The following ETV5 variants were observed in gnomAD, a reference collection of about 807,000 sequenced individuals.
The protein encoded by ETV5 is ETS translocation variant 5.
In ETV5, 10 loss-of-function variants were observed where a neutral mutation model predicts 70.0. That is an observed-to-expected ratio of 0.14 (90% confidence interval 0.09 to 0.24). The LOEUF (loss-of-function observed/expected upper bound fraction) is 0.24. Among genes scored for constraint, ETV5 ranks in the 10% least tolerant of loss-of-function variants. ETV5 has a pLI of 1.00. For synonymous variants in ETV5, 216 were observed against 242.2 expected, an observed-to-expected ratio of 0.89 and a Z score of 1.01; for missense variants, 453 against 651.2, an observed-to-expected ratio of 0.70 and a Z score of 3.31.
chr3:186,055,806 C>T (rs555393097), intron 11 of ETV5, among the ~76,000 whole-genome samples: 15 of 152,284 alleles, frequency 9.9e-5, no homozygotes, highest in Non-Finnish European at 1.8e-4. Flanking sequence ...TGTGCTAAAG[C>T]GAGCCCTAGA....
At chr3:186,103,406 A>G (rs555227627) in intron 5 of ETV5, among the ~76,000 whole-genome samples, 5 of 152,184 alleles carry the variant, frequency 3.3e-5, no homozygotes, top group African/African-American at 1.2e-4. Flanking sequence ...CATGCAATCA[A>G]TTTGAATGCA....
intron 7 of ETV5, chr3:186,079,423 T>C (rs1018525416): frequency 8.2e-6 from 2 of 245,184 alleles, no homozygotes; most frequent in African/African-American, 4.4e-5. Context: ...AATTGTCCCT[T>C]ATATGTAAGT....
chr3:186,105,278 A>G lies in ETV5; in HGVS notation c.232+27T>C. 6.3e-7 allele frequency: 1 copy of G among 1,598,580 alleles called. No individual in the cohort carries two copies. Among genetic ancestry groups the G allele is most frequent in the Non-Finnish European group, 8.5e-7 (1 of 1,172,382 alleles). On this transcript the variant is annotated intron_variant, in intron 5 of 12. Transcript: ENST00000306376. This position sits in a 1 kb window ranked among gnomAD's most constrained non-coding sequence, Gnocchi z 4.5. ...CTAAGACCAAACAATTTCAGAACAA[A>G]TGTGCCATCACCAGAAAGGTACTTA...
intron 7 of ETV5, among the ~76,000 whole-genome samples, 185 bp from the exon 8 acceptor site, chr3:186,066,257 AGT>A (rs1713440162): frequency 6.8e-6 from 1 of 147,022 alleles, no homozygotes; most frequent in Admixed American, 7.0e-5. Context: ...TGAGTCAGGA[AGT>A]GGCAAAAAAA....
At chr3:186,064,302 T>C in intron 9 of ETV5, 115 bp downstream of exon 9, 1 of 957,098 alleles carries the variant, frequency 1.0e-6, no homozygotes, top group Non-Finnish European at 1.6e-6. Flanking sequence ...AGCTTGGGTA[T>C]TAGTCAAGCA....
chr3:186,057,747 C>A lies in ETV5; in HGVS notation c.971-256G>T, dbSNP rs949879721. 6.6e-6 allele frequency among the ~76,000 whole-genome samples: 1 copy of A among 152,196 alleles called. No homozygotes were observed. The highest frequency in any genetic ancestry group is 1.5e-5 in the Non-Finnish European group (1 of 68,040). On this transcript the variant is annotated intron_variant, in intron 9 of 12. Transcript: ENST00000306376. This position sits in a 1 kb window ranked among gnomAD's most constrained non-coding sequence, Gnocchi z 4.9. ...AGACTGCAGGGAAGTGCTGAGTCAC[C>A]AGTACGTTCCTTTGCATTTTGCTTC...
chr3:186,105,612 A>G lies in ETV5; in HGVS notation c.133+13T>C, dbSNP rs1714568918. ...CAGGGAAGCCACAACATAATCAGGG[A>G]AAGCTTTACTACCTTCAGAATCGTG... On this transcript the variant is annotated intron_variant, in intron 3 of 12. Coordinates refer to ENST00000306376, the MANE Select transcript of ETV5 (RefSeq NM_004454.3). This position sits in a 1 kb window ranked among gnomAD's most constrained non-coding sequence, Gnocchi z 4.5. The G allele has an allele frequency of 1.2e-6, 2 of 1,614,036 alleles. No homozygotes were observed. Among genetic ancestry groups the G allele is most frequent in the Admixed American group, 1.7e-5 (1 of 60,014 alleles).
chr3:186,094,766 T>C (rs1161737104), intron 5 of ETV5, among the ~76,000 whole-genome samples: 1 of 152,204 alleles, frequency 6.6e-6, no homozygotes, highest in Non-Finnish European at 1.5e-5. Flanking sequence ...TCTAATTGCA[T>C]AAGAGTGTCG....
chr3:186,094,218 T>C (rs1714251399), intron 5 of ETV5, among the ~76,000 whole-genome samples: 1 of 152,210 alleles, frequency 6.6e-6, no homozygotes, highest in Admixed American at 6.5e-5. Context: ...CCAAAAGAAG[T>C]GGTCACGGAT....
At chr3:186,071,526 G>A (rs897085663) in intron 7 of ETV5, among the ~76,000 whole-genome samples, 6 of 152,206 alleles carry the variant, frequency 3.9e-5, no homozygotes, top group African/African-American at 1.2e-4. Flanking sequence ...AGGACAGCCA[G>A]GATACCTTGT....
chr3:186,077,677 C>T (rs1713829922), intron 7 of ETV5, among the ~76,000 whole-genome samples: 1 of 152,224 alleles, frequency 6.6e-6, no homozygotes, highest in South Asian at 2.1e-4. Flanking sequence ...CACTCTATCT[C>T]TGAATGTTAA....
intron 5 of ETV5, among the ~76,000 whole-genome samples, chr3:186,094,325 T>C (rs1347572942): frequency 1.3e-5 from 2 of 152,204 alleles, no homozygotes; most frequent in Non-Finnish European, 2.9e-5. Context: ...TATCTATCAC[T>C]GAATAGCTGC....
intron 5 of ETV5, among the ~76,000 whole-genome samples, chr3:186,087,337 C>T (rs1485386973): frequency 6.6e-6 from 1 of 152,178 alleles, no homozygotes; most frequent in African/African-American, 2.4e-5. Flanking sequence ...GGAGGTTACT[C>T]TCGACGGGGT....
At chr3:186,097,866 C>A (rs1003258285) in intron 5 of ETV5, among the ~76,000 whole-genome samples, 2 of 152,298 alleles carry the variant, frequency 1.3e-5, no homozygotes, top group African/African-American at 4.8e-5. Flanking sequence ...TGTTTTTCCA[C>A]GGGCTGCACA....
At chr3:186,061,005 C>T (rs1035916248) in intron 9 of ETV5, among the ~76,000 whole-genome samples, 1 of 152,196 alleles carries the variant, frequency 6.6e-6, no homozygotes, top group Admixed American at 6.5e-5. Flanking sequence ...GACAGCCCTG[C>T]CTTTCCAGGG....
intron 1 of ETV5, 113 bp downstream of exon 1, chr3:186,108,827 C>A (rs1714665673): frequency 3.8e-6 from 1 of 263,994 alleles, no homozygotes; most frequent in South Asian, 3.5e-5. Flanking sequence ...AGCTACTGCA[C>A]CCCGACTTTG....
chr3:186,056,680 CATACAGTATGTTCA>C (rs1184744355), intron 11 of ETV5, among the ~76,000 whole-genome samples: 3 of 152,170 alleles, frequency 2.0e-5, no homozygotes, highest in African/African-American at 7.2e-5. Flanking sequence ...GTCAAAATGT[CATACAGTATGTTCA>C]CGTAGACTCA....
rs149648460 is a variant in ETV5 at position 186,072,370 on chromosome 3, T to C, written c.651-6298A>G. ...CTGGGTGACAGAGTGAGACTCTATC[T>C]CAAAAAAAAAAAGAAAAAAAAGATA... is the stretch of plus-strand genomic sequence containing the variant. On this transcript the variant is annotated intron_variant, in intron 7 of 12. Transcript: ENST00000306376. 7.5e-4 allele frequency among the ~76,000 whole-genome samples: 91 copies of C among 121,452 alleles called. 1 individual carries two copies. Among genetic ancestry groups the C allele is most frequent in the African/African-American group, 3.0e-3 (87 of 29,244 alleles). The allele number at this position is 121,452 out of a possible 152,430, so 79.7% of individuals were successfully genotyped here. A position where few individuals can be genotyped will look rare whatever the true frequency, so the allele number is the denominator to read the frequency against.
At position 186,054,663 on chromosome 3, in the gene ETV5, C is replaced by A. The variant is rs931634690; in HGVS notation, c.1209+2412G>T. On this transcript the variant is annotated intron_variant, in intron 11 of 12. Transcript: ENST00000306376. This position sits in a 1 kb window ranked among gnomAD's most constrained non-coding sequence, Gnocchi z 4.4. The stretch of plus-strand genomic sequence containing the variant: ...TTACCCAGAGTGCACTACTCAGCCA[C>A]ACAGCTGCCTACAATTACGTCCCAA... 6.6e-6 allele frequency among the ~76,000 whole-genome samples: 1 copy of A among 152,198 alleles called. No homozygotes were observed. The highest frequency in any genetic ancestry group is 1.5e-5 in the Non-Finnish European group (1 of 68,032).
Sources: allele counts gnomAD v4.1 joint callset (sites outside exome capture counted in the v4.1 genomes callset), GRCh38; gene constraint gnomAD v4.1.1; non-coding constraint Gnocchi (gnomAD v3.1); transcripts MANE v1.5; gene names NCBI Gene and HGNC (gene_info 2026-07-23, HGNC 2026-07-21).